Variants in HTR3B observed in about 807,000 individuals in gnomAD.
The protein encoded by HTR3B is 5-hydroxytryptamine (serotonin) receptor 3B, ionotropic.
In HTR3B, 44 loss-of-function variants were observed where a neutral mutation model predicts 42.8. That is an observed-to-expected ratio of 1.03 (90% CI 0.81 to 1.32). The LOEUF (loss-of-function observed/expected upper bound fraction) is 1.32. HTR3B is among the 40% of genes most tolerant of loss of function. The pLI is 0.00. For synonymous variants in HTR3B, 203 were observed against 209.0 expected (o/e 0.97, Z 0.25); for missense variants, 527 against 536.5 (o/e 0.98, Z 0.17).
chr11:113,934,362 A>G (rs1349560667), intron 6 of HTR3B, among the ~76,000 whole-genome samples: 1 of 151,860 alleles, frequency 6.6e-6, no homozygotes, highest in African/African-American at 2.4e-5. Context: ...TCAAAAGAAA[A>G]GAAAGGAAGG....
upstream of HTR3B, among the ~76,000 whole-genome samples, chr11:113,902,543 C>T (rs761363255): frequency 3.9e-5 from 6 of 152,284 alleles, no homozygotes; most frequent in Middle Eastern, 3.4e-3. Context: ...GTGATCTACC[C>T]ACCTAGGTCT....
chr11:113,946,101 T>C lies in HTR3B; in HGVS notation c.1290T>C (p.Thr430=). 2.5e-6 allele frequency: 4 copies of C among 1,614,036 alleles called. No individual in the cohort carries two copies. The highest frequency in any genetic ancestry group is 3.4e-6 in the Non-Finnish European group (4 of 1,179,960). ...YLFMLGIYTI[T]LCSLWALWGG... is the part of the protein sequence containing the mutation. ...TCATGCTGGGGATCTACACCATCAC[T>C]CTGTGCTCCCTCTGGGCACTGTGGG... Residue 430 remains threonine, a synonymous_variant, in exon 9 of 9, where the codon ACT becomes ACC. Transcript: ENST00000260191.
intron 2 of HTR3B, among the ~76,000 whole-genome samples, chr11:113,929,299 C>T (rs1408644818): frequency 4.6e-5 from 7 of 152,016 alleles, no homozygotes; most frequent in East Asian, 1.9e-4. Context: ...TTTGGGCTGC[C>T]GTAACAAATA....
At chr11:113,930,156 T>A (rs1555109588) in intron 2 of HTR3B, among the ~76,000 whole-genome samples, 2 of 152,206 alleles carry the variant, frequency 1.3e-5, no homozygotes, top group Non-Finnish European at 2.9e-5. Flanking sequence ...TCCCATTCTG[T>A]GGGTTGTCTT....
chr11:113,918,836 T>C (rs1017169933), intron 2 of HTR3B, among the ~76,000 whole-genome samples: 2 of 152,134 alleles, frequency 1.3e-5, no homozygotes, highest in African/African-American at 4.8e-5. Context: ...TTTGTATTTT[T>C]AGTAGAGACG....
chr11:113,922,492 C>T (rs1246051682), intron 2 of HTR3B, among the ~76,000 whole-genome samples: 1 of 152,102 alleles, frequency 6.6e-6, no homozygotes, highest in African/African-American at 2.4e-5. Context: ...CCTCAGCCTC[C>T]CAAAGTGCTG....
chr11:113,945,058 GC>G (rs1318980883), intron 8 of HTR3B, among the ~76,000 whole-genome samples: 1 of 152,066 alleles, frequency 6.6e-6, no homozygotes, highest in East Asian at 1.9e-4. Context: ...TCCCTCCTTT[GC>G]CTCCCAAAGT....
chr11:113,902,924 AGT>A (rs1949705472), upstream of HTR3B, among the ~76,000 whole-genome samples: 1 of 152,028 alleles, frequency 6.6e-6, no homozygotes, highest in East Asian at 1.9e-4. Context: ...GCTGGAGTGC[AGT>A]GGCACAATCA....
chr11:113,913,350 A>ATTTTTTTTTTTTT lies in HTR3B; in HGVS notation c.213+3915_213+3927dup, dbSNP rs71063533. On this transcript the variant is annotated intron_variant, in intron 2 of 8. Transcript: ENST00000260191. ...AGGTGCCTGCCACCATGTCTGGCTAATTTTTTTTTTTTTTTTTTTTTTTTT... is the reference window on the plus strand; with the variant it reads ...AGGTGCCTGCCACCATGTCTGGCTAATTTTTTTTTTTTTTTTTTTTTTTTTTTTTTTTTTTTTT... Among the ~76,000 whole-genome samples the ATTTTTTTTTTTTT allele has an allele frequency of 1.8e-3, 112 of 61,524 alleles. 2 individuals carry two copies. The highest frequency in any genetic ancestry group is 2.5e-3 in the Admixed American group (10 of 3,926). The allele number at this position is 61,524 out of a possible 152,430, so 40.4% of individuals were successfully genotyped here.
rs576783891 is a variant in HTR3B, at chr11:113,931,329, C to T, written c.214-55C>T. 3 of 1,270,918 alleles carry T rather than the reference C, an allele frequency of 2.4e-6. No individual in the cohort carries two copies. In the South Asian group the frequency reaches 3.8e-5, roughly 16 times the overall value. The allele number at this position is 1,270,918 out of a possible 1,614,324, so 78.7% of individuals were successfully genotyped here. The stretch of plus-strand genomic sequence containing the variant: ...CTGAATTTCCTTACTGCTGAATTGG[C>T]CTTTGATTTATTGACATTCTAAGAT... On this transcript the variant is annotated intron_variant, in intron 2 of 8. Coordinates refer to ENST00000260191, the MANE Select transcript of HTR3B (RefSeq NM_006028.5).
intron 2 of HTR3B, among the ~76,000 whole-genome samples, chr11:113,928,130 G>C (rs1949995164): frequency 6.6e-6 from 1 of 152,096 alleles, no homozygotes; most frequent in South Asian, 2.1e-4. Context: ...GAGAACATGT[G>C]GTGTTTGGTT....
At chr11:113,912,431 G>T (rs1031719062) in intron 2 of HTR3B, among the ~76,000 whole-genome samples, 4 of 152,102 alleles carry the variant, frequency 2.6e-5, no homozygotes, top group African/African-American at 4.8e-5. Context: ...TTTTAGTAGA[G>T]ACAGGGTTTC....
chr11:113,928,915 TC>T (rs1320550954), intron 2 of HTR3B, among the ~76,000 whole-genome samples: 1 of 152,218 alleles, frequency 6.6e-6, no homozygotes, highest in Non-Finnish European at 1.5e-5. Context: ...TATTCATCTG[TC>T]GATGGACACT....
intron 2 of HTR3B, among the ~76,000 whole-genome samples, chr11:113,926,379 ACTT>A (rs1178878776): frequency 6.6e-6 from 1 of 151,908 alleles, no homozygotes; most frequent in Non-Finnish European, 1.5e-5. Context: ...GTGGTTATAT[ACTT>A]CTGAGTAGAA....
chr11:113,926,746 C>T (rs2137513704), intron 2 of HTR3B, among the ~76,000 whole-genome samples: 1 of 152,232 alleles, frequency 6.6e-6, no homozygotes, highest in East Asian at 1.9e-4. Context: ...CCAGCCTGGT[C>T]TCAAACTGCT....
intron 2 of HTR3B, among the ~76,000 whole-genome samples, chr11:113,924,427 G>A (rs1367821759): frequency 6.6e-6 from 1 of 151,820 alleles, no homozygotes; most frequent in African/African-American, 2.4e-5. Context: ...ACCAACCTGG[G>A]CAACATAGCA....
chr11:113,929,983 G>T (rs898534750), intron 2 of HTR3B, among the ~76,000 whole-genome samples: 8 of 152,160 alleles, frequency 5.3e-5, no homozygotes, highest in African/African-American at 7.2e-5. Context: ...CCACCCACGA[G>T]CCTCAGCCTC....
Position 113,904,872 on chromosome 11 carries a change from A to G in HTR3B, c.-62A>G, listed in dbSNP as rs1300549903. The G allele has an allele frequency of 7.7e-7, 1 of 1,305,656 alleles. No homozygotes were observed. Among genetic ancestry groups the G allele is most frequent in the Non-Finnish European group, 1.1e-6 (1 of 898,848 alleles). 80.9% of individuals were successfully genotyped at this position (1,305,656 alleles called of 1,614,324 possible). On this transcript the variant is annotated 5_prime_UTR_variant, in exon 1 of 9. Transcript: ENST00000260191. ...GTGGAGAGGAACCCTGTTAGGAGAA[A>G]TTGAGCGGCATTCCATCTGGTAGGC...
At chr11:113,925,083 G>C (rs1949956171) in intron 2 of HTR3B, among the ~76,000 whole-genome samples, 1 of 151,652 alleles carries the variant, frequency 6.6e-6, no homozygotes, top group Non-Finnish European at 1.5e-5. Flanking sequence ...TCTCTGTTCT[G>C]CACAATTCCA....
Sources: gnomAD v4.1 joint callset for allele counts (sites outside exome capture counted in the v4.1 genomes callset) on GRCh38, gnomAD v4.1.1 for gene constraint, MANE v1.5 for transcripts, NCBI Gene and HGNC (gene_info 2026-07-23, HGNC 2026-07-21) for gene names.